The following TXNDC15 variants were observed in gnomAD, a reference collection of about 807,000 sequenced individuals.
TXNDC15 encodes the protein thioredoxin domain containing 15.
A neutral mutation model predicts 35.0 loss-of-function variants in TXNDC15; 24 were observed. That is an observed-to-expected ratio of 0.68 (90% CI 0.50 to 0.96). The LOEUF (loss-of-function observed/expected upper bound fraction) is 0.96, where lower values mean the gene tolerates loss of function less well. TXNDC15 is among the 40% of genes least tolerant of loss of function. The pLI, the probability that TXNDC15 is intolerant of heterozygous loss-of-function variation, is 0.00. For synonymous variants in TXNDC15, 169 were observed against 174.0 expected (o/e 0.97, Z 0.23); for missense variants, 385 against 453.3 (o/e 0.85, Z 1.37).
chr5:134,895,835 TC>T (rs1750479149), intron 3 of TXNDC15, among the ~76,000 whole-genome samples: 1 of 152,230 alleles, frequency 6.6e-6, no homozygotes, highest in Non-Finnish European at 1.5e-5. Flanking sequence ...ATTGTGAACA[TC>T]CTGGTGTGTT....
At chr5:134,899,072 A>G (rs1258342261) in intron 4 of TXNDC15, among the ~76,000 whole-genome samples, 6 of 151,738 alleles carry the variant, frequency 4.0e-5, no homozygotes, top group Admixed American at 3.9e-4. Flanking sequence ...GCAGGACTTC[A>G]TCACAGAAAA....
At chr5:134,892,208 C>T (rs985332516) in intron 2 of TXNDC15, 16 of 151,642 alleles carry the variant, frequency 1.1e-4, no homozygotes, top group African/African-American at 3.9e-4. Context: ...TATGTTGTAG[C>T]TTCTCTATCA....
In TXNDC15 at chr5:134,899,117, CT is replaced by C. The variant is rs567423581; in HGVS notation, c.887-371del. 7.3e-4 allele frequency among the ~76,000 whole-genome samples: 111 copies of C among 152,152 alleles called. No individual in the cohort carries two copies. In the Middle Eastern group the frequency reaches 0.017, roughly 23 times the overall value. On this transcript the variant is annotated intron_variant, in intron 4 of 4. Coordinates refer to ENST00000358387, the MANE Select transcript of TXNDC15 (RefSeq NM_024715.4). ...CATTTCGAATTTAGCATTACTTAAC[CT>C]GTGAAAACATTCTGTAGACACCTGA...
At chr5:134,874,955 C>G in intron 1 of TXNDC15, 2 of 364,500 alleles carry the variant, frequency 5.5e-6, no homozygotes, top group South Asian at 4.1e-5. Context: ...AATGCTCCCA[C>G]AAACCCTGTC....
Position 134,899,512 on chromosome 5 carries a change from G to C in TXNDC15, c.910G>C (p.Val304Leu), listed in dbSNP as rs1750558974. The change falls in exon 5 of 5, where the codon GTG becomes CTG. Residue 304 changes from valine to leucine, a missense_variant. Val to Leu is a conservative substitution (Grantham distance 32). Coordinates refer to ENST00000358387, the MANE Select transcript of TXNDC15 (RefSeq NM_024715.4). Reference protein sequence around the residue: ...QTGIEAKKNVVVTQADQIGPL... With the variant: ...QTGIEAKKNVLVTQADQIGPL... ...AGGTATAGAAGCCAAGAAGAATGTG[G>C]TGGTAACTCAAGCCGACCAAATAGG... The C allele has an allele frequency of 1.2e-6, 2 of 1,613,270 alleles. No individual in the cohort carries two copies. The highest frequency in any genetic ancestry group is 8.5e-7 in the Non-Finnish European group (1 of 1,179,884).
Position 134,899,569 on chromosome 5 carries a change from G to A in TXNDC15, c.967G>A (p.Asp323Asn), listed in dbSNP as rs1241853243. Reference protein sequence around the residue: ...PLPSTLIKSVDWLLVFSLFFL... With the variant: ...PLPSTLIKSVNWLLVFSLFFL... Reference sequence around the variant, plus strand: ...TCCCAGCACTTTGATAAAAAGTGTGGACTGGTTGCTTGTATTTTCCTTATT... The same window carrying A: ...TCCCAGCACTTTGATAAAAAGTGTGAACTGGTTGCTTGTATTTTCCTTATT... The change falls in exon 5 of 5, where the codon GAC (aspartate) becomes AAC (asparagine). Residue 323 changes from aspartate to asparagine, a missense_variant. Transcript: ENST00000358387. The A allele has an allele frequency of 6.2e-7, 1 of 1,613,992 alleles. No homozygotes were observed.
chr5:134,894,386 G>C (rs1012402547), intron 3 of TXNDC15, among the ~76,000 whole-genome samples: 13 of 55,934 alleles, frequency 2.3e-4, no homozygotes, highest in Non-Finnish European at 4.6e-4. Context: ...TTTTTTTTTT[G>C]AGGTGGAATC....
chr5:134,898,019 G>GAA (rs979527338), intron 4 of TXNDC15, among the ~76,000 whole-genome samples: 1 of 140,316 alleles, frequency 7.1e-6, no homozygotes, highest in East Asian at 2.0e-4. Flanking sequence ...AAAAAAAAAA[G>GAA]AAAAAAAAAA....
At chr5:134,874,273 C>A (rs1749980548), upstream of TXNDC15, 2 of 602,864 alleles carry the variant, frequency 3.3e-6, no homozygotes, top group East Asian at 3.3e-5. Context: ...TAGAGGCCGT[C>A]CGCCCGACTC....
rs187187671 is a variant in TXNDC15 at position 134,899,282 on chromosome 5, C to T, written c.887-207C>T. 2.0e-5 allele frequency among the ~76,000 whole-genome samples: 3 copies of T among 152,226 alleles called. No homozygotes were observed. In the East Asian group the frequency reaches 5.8e-4, roughly 29 times the overall value. On this transcript the variant is annotated intron_variant, in intron 4 of 4. Transcript: ENST00000358387. The stretch of plus-strand genomic sequence containing the variant: ...TTAGTTGTGAACAGCTGAATGGGTT[C>T]CTGATCCTTTGATGCAGTGGGGAGA...
intron 1 of TXNDC15, among the ~76,000 whole-genome samples, chr5:134,879,247 C>T (rs973453839): frequency 1.4e-4 from 21 of 152,194 alleles, no homozygotes; most frequent in Non-Finnish European, 2.9e-5. Context: ...GCTCCATGCA[C>T]CACTTACATT....
At chr5:134,882,764 G>A (rs914928850) in intron 1 of TXNDC15, among the ~76,000 whole-genome samples, 1 of 152,088 alleles carries the variant, frequency 6.6e-6, no homozygotes. Flanking sequence ...CAGGCAGGGA[G>A]GTTGCAGTGA....
intron 4 of TXNDC15, among the ~76,000 whole-genome samples, chr5:134,898,816 T>G (rs1160385161): frequency 1.3e-5 from 2 of 152,178 alleles, no homozygotes; most frequent in Non-Finnish European, 2.9e-5. Flanking sequence ...GGCTCACACC[T>G]GTGATCCCAA....
intron 3 of TXNDC15, 73 bp from the exon 4 acceptor site, chr5:134,896,221 C>G: frequency 6.6e-7 from 1 of 1,522,008 alleles, no homozygotes; most frequent in Non-Finnish European, 8.9e-7. Context: ...TCTGTCTATT[C>G]TGAGATGGTA....
rs1355708365 is a variant in TXNDC15 at position 134,900,938 on chromosome 5, C to G, written c.*1253C>G. On this transcript the variant is annotated 3_prime_UTR_variant, in exon 5 of 5. Coordinates refer to ENST00000358387, the MANE Select transcript of TXNDC15 (RefSeq NM_024715.4). ...GAGTAGCTGGGACTATGGGCCTGTG[C>G]CATCACACCCAGCTAATTTTTCTAT... 6.6e-6 allele frequency: 1 copy of G among 152,032 alleles called. No individual in the cohort carries two copies. Among genetic ancestry groups the G allele is most frequent in the Non-Finnish European group, 1.5e-5 (1 of 68,046 alleles). The allele number at this position is 152,032 out of a possible 1,614,324, so 9.4% of individuals were successfully genotyped here. A position where few individuals can be genotyped will look rare whatever the true frequency, so the allele number is the denominator to read the frequency against.
chr5:134,895,342 T>C (rs1750468192), intron 3 of TXNDC15, among the ~76,000 whole-genome samples: 1 of 152,200 alleles, frequency 6.6e-6, no homozygotes, highest in Non-Finnish European at 1.5e-5. Flanking sequence ...AGCAGACTGA[T>C]TGGAAGGACA....
chr5:134,876,264 C>T (rs1446395315), intron 1 of TXNDC15, among the ~76,000 whole-genome samples: 1 of 152,168 alleles, frequency 6.6e-6, no homozygotes, highest in African/African-American at 2.4e-5. Context: ...GCTGTCCTAC[C>T]GTCTTGCTTC....
chr5:134,891,549 C>T (rs1750387919), intron 2 of TXNDC15, among the ~76,000 whole-genome samples: 1 of 152,136 alleles, frequency 6.6e-6, no homozygotes, highest in African/African-American at 2.4e-5. Flanking sequence ...GTCATCCAGG[C>T]TTTGTTGTTC....
intron 2 of TXNDC15, among the ~76,000 whole-genome samples, chr5:134,888,729 G>C (rs968230964): frequency 6.6e-6 from 1 of 152,008 alleles, no homozygotes; most frequent in Non-Finnish European, 1.5e-5. Flanking sequence ...TAATCCACCC[G>C]TCTCGGCCTC....
Sources: gnomAD v4.1 joint callset for allele counts (sites outside exome capture counted in the v4.1 genomes callset) on GRCh38, gnomAD v4.1.1 for gene constraint, MANE v1.5 for transcripts, NCBI Gene and HGNC (gene_info 2026-07-23, HGNC 2026-07-21) for gene names.